Variants in TMEM132D observed in about 807,000 individuals in gnomAD.
The protein encoded by TMEM132D is transmembrane protein 132D, also known as mature OL transmembrane protein.
Under a neutral mutation model 62.3 loss-of-function variants are expected in TMEM132D, and 21 were observed. The ratio of observed to expected loss-of-function variants is 0.34; its 90% confidence interval spans 0.24 to 0.49. The LOEUF (loss-of-function observed/expected upper bound fraction) is 0.49. Among genes scored for constraint, TMEM132D ranks in the 20% least tolerant of loss-of-function variants. The pLI is 0.99. For synonymous variants in TMEM132D, 621 were observed against 575.6 expected (o/e 1.08, Z -1.13); for missense variants, 1,346 against 1,402.8 (o/e 0.96, Z 0.65).
At chr12:129,524,912 A>AT (rs1298314742) in intron 3 of TMEM132D, among the ~76,000 whole-genome samples, 17 of 117,622 alleles carry the variant, frequency 1.4e-4, no homozygotes, top group South Asian at 2.7e-4. Flanking sequence ...TTATTTTCAT[A>AT]TTTTTTTCTT....
chr12:129,118,378 G>A (rs115516426), intron 5 of TMEM132D, among the ~76,000 whole-genome samples: 1,831 of 152,292 alleles, frequency 0.012, 37 homozygotes, highest in African/African-American at 0.041. Context: ...CCAGCTCTGC[G>A]GTACATGGTC....
chr12:129,756,162 C>A (rs968487104), intron 1 of TMEM132D, among the ~76,000 whole-genome samples: 2 of 152,130 alleles, frequency 1.3e-5, no homozygotes, highest in Admixed American at 1.3e-4. Context: ...ACAAGTTTAA[C>A]GTTTCAGCTA....
At chr12:129,385,791 A>G (rs1457182463) in intron 3 of TMEM132D, among the ~76,000 whole-genome samples, 4 of 152,238 alleles carry the variant, frequency 2.6e-5, no homozygotes, top group Admixed American at 2.0e-4. Context: ...ACTGAATTTC[A>G]GAAAGCAACA....
chr12:129,853,475 C>G (rs1170707889), intron 1 of TMEM132D: 1 of 152,212 alleles, frequency 6.6e-6, no homozygotes, highest in Non-Finnish European at 1.5e-5. Context: ...AGCCTTCAAG[C>G]CTTCCTGCTT....
At chr12:129,823,973 G>C (rs1188101659) in intron 1 of TMEM132D, among the ~76,000 whole-genome samples, 1 of 152,164 alleles carries the variant, frequency 6.6e-6, no homozygotes, top group Non-Finnish European at 1.5e-5. Context: ...AGGCGTTGAT[G>C]TAGGAAAGTG....
At chr12:129,308,196 T>A (rs899067561) in intron 4 of TMEM132D, among the ~76,000 whole-genome samples, 1 of 152,246 alleles carries the variant, frequency 6.6e-6, no homozygotes, top group Non-Finnish European at 1.5e-5. Flanking sequence ...TATTGTTATA[T>A]GTTAAAGCAT....
chr12:129,330,903 A>G (rs1869082214), intron 4 of TMEM132D, among the ~76,000 whole-genome samples: 1 of 152,224 alleles, frequency 6.6e-6, no homozygotes, highest in African/African-American at 2.4e-5. Context: ...TACTGAGCCT[A>G]TGTCCTCCCA....
intron 2 of TMEM132D, among the ~76,000 whole-genome samples, chr12:129,685,141 C>T (rs1022796125): frequency 1.3e-5 from 2 of 152,180 alleles, no homozygotes; most frequent in African/African-American, 4.8e-5. Context: ...GAAATTTAAG[C>T]TGGCTACAGA....
intron 1 of TMEM132D, among the ~76,000 whole-genome samples, chr12:129,704,285 C>G (rs939058376): frequency 5.3e-5 from 8 of 152,206 alleles, no homozygotes; most frequent in African/African-American, 1.9e-4. Flanking sequence ...GATATCTAGG[C>G]AGCTGACAAA....
intron 3 of TMEM132D, among the ~76,000 whole-genome samples, chr12:129,368,495 T>C (rs12297181): frequency 0.23 from 34,998 of 152,062 alleles, 4,146 homozygotes; most frequent in Non-Finnish European, 0.26. Flanking sequence ...AGTGAATGCT[T>C]TGAGGATAGG....
chr12:129,209,683 C>T lies in TMEM132D; in HGVS notation c.1300-20G>A, dbSNP rs753831408. The T allele has an allele frequency of 6.2e-7, 1 of 1,613,648 alleles. No individual in the cohort carries two copies. Among genetic ancestry groups the T allele is most frequent in the Non-Finnish European group, 8.5e-7 (1 of 1,179,698 alleles). ...TGCCTCCTGGAAGACCAAACACACC[C>T]TTCCATCACATCCCCTCCTGAGACG... On this transcript the variant is annotated intron_variant, in intron 4 of 8. Coordinates refer to ENST00000422113, the MANE Select transcript of TMEM132D (RefSeq NM_133448.3).
At chr12:129,776,725 C>A (rs1870937616) in intron 1 of TMEM132D, among the ~76,000 whole-genome samples, 1 of 139,314 alleles carries the variant, frequency 7.2e-6, no homozygotes, top group Non-Finnish European at 1.5e-5. Flanking sequence ...AGCTTCTTAA[C>A]TAGGAAAGAA....
chr12:129,452,180 G>C (rs1873311596), intron 3 of TMEM132D, among the ~76,000 whole-genome samples: 1 of 152,226 alleles, frequency 6.6e-6, no homozygotes, highest in African/African-American at 2.4e-5. Flanking sequence ...ACAGTGAAGA[G>C]AATGATTGGA....
intron 5 of TMEM132D, among the ~76,000 whole-genome samples, chr12:129,160,691 G>C (rs1877376565): frequency 6.6e-6 from 1 of 152,198 alleles, no homozygotes; most frequent in Non-Finnish European, 1.5e-5. Flanking sequence ...CAAATGAAGA[G>C]TCTTGGATGC....
intron 3 of TMEM132D, among the ~76,000 whole-genome samples, chr12:129,405,707 G>T (rs1321226882): frequency 6.6e-6 from 1 of 152,118 alleles, no homozygotes; most frequent in African/African-American, 2.4e-5. Context: ...CTCCTTCAAA[G>T]ACCTCCAGAT....
chr12:129,148,264 T>C (rs1261213875), intron 5 of TMEM132D, among the ~76,000 whole-genome samples: 1 of 152,192 alleles, frequency 6.6e-6, no homozygotes, highest in Non-Finnish European at 1.5e-5. Context: ...GGTGGCAGAA[T>C]AATGGCCCCC....
chr12:129,776,217 G>A (rs1356233932), intron 1 of TMEM132D, among the ~76,000 whole-genome samples: 1 of 152,066 alleles, frequency 6.6e-6, no homozygotes, highest in South Asian at 2.1e-4. Flanking sequence ...CATCCATGAT[G>A]CCAATTGCTC....
intron 1 of TMEM132D, among the ~76,000 whole-genome samples, chr12:129,703,358 A>G (rs1342954733): frequency 6.6e-6 from 1 of 152,192 alleles, no homozygotes; most frequent in African/African-American, 2.4e-5. Flanking sequence ...GTAACTTCTT[A>G]GCTTTATTCC....
intron 3 of TMEM132D, among the ~76,000 whole-genome samples, chr12:129,498,733 A>G (rs114966495): frequency 1.6e-3 from 245 of 152,268 alleles, no homozygotes; most frequent in African/African-American, 5.4e-3. Flanking sequence ...ATCCTCCTGT[A>G]TGTCTTCATC....
Sources: allele counts gnomAD v4.1 joint callset (sites outside exome capture counted in the v4.1 genomes callset), GRCh38; gene constraint gnomAD v4.1.1; transcripts MANE v1.5; gene names NCBI Gene and HGNC (gene_info 2026-07-23, HGNC 2026-07-21).